Variants in TMEM163 observed in about 807,000 individuals in gnomAD.
TMEM163 encodes transmembrane protein 163.
TMEM163 carries 17 observed loss-of-function variants against 29.3 expected under a neutral mutation model. The observed-to-expected ratio is 0.58, with a 90% confidence interval of 0.40 to 0.87. The LOEUF (loss-of-function observed/expected upper bound fraction) is 0.87. Among genes scored for constraint, TMEM163 ranks in the 40% least tolerant of loss-of-function variants. The pLI, the probability that TMEM163 is intolerant of heterozygous loss-of-function variation, is 0.00. For missense variants in TMEM163, 303 were observed against 381.5 expected (o/e 0.79, Z 1.71); for synonymous variants, 157 against 160.6 (o/e 0.98, Z 0.17).
rs767849159 is a variant in TMEM163 at position 134,502,978 on chromosome 2, C to A, written c.478G>T (p.Val160Leu). 1 of 1,613,576 alleles carries A rather than the reference C, an allele frequency of 6.2e-7. No homozygotes were observed. The highest frequency in any genetic ancestry group is 8.5e-7 in the Non-Finnish European group (1 of 1,179,830). ...REYIACVILG[V>L]IFLLSSICIV... ...CATATGGATGACAGAAGGAATATCA[C>A]CCCCAAGATGACACAGGCTCTGCAA... The change falls in exon 5 of 8, where the codon GTG becomes TTG. Residue 160 changes from valine to leucine, a missense_variant. Physicochemically the swap from Val to Leu is conservative, Grantham distance 32 (BLOSUM62 1). Around this residue, in one of 2 missense-constraint regions of TMEM163, gnomAD observed 203 missense variants for 294.3 expected, o/e 0.69. Transcript: ENST00000281924.
intron 2 of TMEM163, among the ~76,000 whole-genome samples, chr2:134,684,507 G>C (rs1438301370): frequency 6.6e-6 from 1 of 152,178 alleles, no homozygotes; most frequent in Non-Finnish European, 1.5e-5. Flanking sequence ...GGAACCCCAT[G>C]AGCAAGGGGC....
chr2:134,457,187 C>T (rs1379107425), intron 7 of TMEM163, among the ~76,000 whole-genome samples: 2 of 152,206 alleles, frequency 1.3e-5, no homozygotes, highest in African/African-American at 4.8e-5. Flanking sequence ...ATCCATTCAT[C>T]TGTTAATGGA....
At chr2:134,510,339 G>A (rs1679919251) in intron 4 of TMEM163, among the ~76,000 whole-genome samples, 1 of 152,170 alleles carries the variant, frequency 6.6e-6, no homozygotes, top group Non-Finnish European at 1.5e-5. Context: ...CAGGTCTGAG[G>A]TTGGGGAAAC....
At chr2:134,718,473 G>A (rs1019838256) in intron 1 of TMEM163, among the ~76,000 whole-genome samples, 8 of 152,258 alleles carry the variant, frequency 5.3e-5, no homozygotes, top group African/African-American at 1.4e-4. Context: ...CTGGCGGAGA[G>A]GAGGGCGCGA....
intron 5 of TMEM163, among the ~76,000 whole-genome samples, chr2:134,478,244 C>T (rs762760980): frequency 6.6e-6 from 1 of 152,064 alleles, no homozygotes; most frequent in Non-Finnish European, 1.5e-5. Context: ...AATTACCTAG[C>T]ATCAGGTATT....
intron 4 of TMEM163, among the ~76,000 whole-genome samples, chr2:134,534,455 T>C (rs969633724): frequency 6.6e-6 from 1 of 152,118 alleles, no homozygotes; most frequent in African/African-American, 2.4e-5. Context: ...CAAGATTGAT[T>C]TATAAATCAA....
intron 2 of TMEM163, among the ~76,000 whole-genome samples, chr2:134,642,770 C>T (rs1270469853): frequency 6.6e-6 from 1 of 151,928 alleles, no homozygotes; most frequent in East Asian, 1.9e-4. Context: ...ATCCCAGACT[C>T]AAAGAGGATA....
At position 134,502,957 on chromosome 2, in the gene TMEM163, T is replaced by C; in HGVS notation, c.499A>G (p.Ile167Val). 6.2e-7 allele frequency: 1 copy of C among 1,613,976 alleles called. No individual in the cohort carries two copies. Among genetic ancestry groups the C allele is most frequent in the African/African-American group, 1.3e-5 (1 of 75,006 alleles). ...TGGATGGCTTTGACCACTATACATATGGATGACAGAAGGAATATCACCCCC... is the reference window on the plus strand; with the variant it reads ...TGGATGGCTTTGACCACTATACATACGGATGACAGAAGGAATATCACCCCC... ...ILGVIFLLSS[I>V]CIVVKAIHDL... is the part of the protein sequence containing the mutation. Residue 167 changes from isoleucine (I) to valine (V), a missense_variant, in exon 5 of 8, where the codon ATA becomes GTA. Transcript: ENST00000281924.
chr2:134,501,867 G>A (rs1435789030), intron 5 of TMEM163, among the ~76,000 whole-genome samples: 3 of 152,206 alleles, frequency 2.0e-5, no homozygotes, highest in Non-Finnish European at 4.4e-5. Context: ...ATGTTAGAGA[G>A]TAAGCGCTGG....
intron 2 of TMEM163, among the ~76,000 whole-genome samples, chr2:134,665,778 C>T (rs1406410260): frequency 6.6e-6 from 1 of 152,200 alleles, no homozygotes; most frequent in Admixed American, 6.5e-5. Flanking sequence ...CTCTCCGGAC[C>T]TCAGCATCTG....
chr2:134,494,556 C>T (rs1173940444), intron 5 of TMEM163, among the ~76,000 whole-genome samples: 1 of 151,940 alleles, frequency 6.6e-6, no homozygotes, highest in Non-Finnish European at 1.5e-5. Context: ...CTGTTTGATA[C>T]GGCTTAATCT....
At chr2:134,645,462 T>A (rs917939772) in intron 2 of TMEM163, among the ~76,000 whole-genome samples, 2 of 152,212 alleles carry the variant, frequency 1.3e-5, no homozygotes, top group African/African-American at 4.8e-5. Context: ...AGAAAAAGTT[T>A]GCCAACATCT....
intron 2 of TMEM163, among the ~76,000 whole-genome samples, chr2:134,623,223 T>C (rs1682778785): frequency 2.0e-5 from 3 of 152,184 alleles, no homozygotes; most frequent in Admixed American, 2.0e-4. Flanking sequence ...CATTTTCTCA[T>C]CAACACTGGC....
chr2:134,714,573 G>C (rs544608666), intron 1 of TMEM163, among the ~76,000 whole-genome samples: 1 of 152,144 alleles, frequency 6.6e-6, no homozygotes, highest in Non-Finnish European at 1.5e-5. Flanking sequence ...ATTGAGCATC[G>C]CTGAACAAGT....
At chr2:134,656,537 C>A (rs529659175) in intron 2 of TMEM163, among the ~76,000 whole-genome samples, 1 of 152,164 alleles carries the variant, frequency 6.6e-6, no homozygotes, top group Non-Finnish European at 1.5e-5. Flanking sequence ...AGCTGTAGAC[C>A]GGAGCTGTTC....
intron 2 of TMEM163, among the ~76,000 whole-genome samples, chr2:134,695,501 CAACAG>C (rs1374429858): frequency 2.6e-5 from 4 of 151,556 alleles, no homozygotes; most frequent in Admixed American, 6.6e-5. Context: ...TAAATCAAAG[CAACAG>C]AACAGAACAA....
chr2:134,463,334 A>C (rs962469396), intron 6 of TMEM163, among the ~76,000 whole-genome samples: 1 of 152,126 alleles, frequency 6.6e-6, no homozygotes, highest in Non-Finnish European at 1.5e-5. Context: ...TCCTGGCTAC[A>C]CTCATCCCTA....
At chr2:134,613,793 A>T (rs955835170) in intron 2 of TMEM163, among the ~76,000 whole-genome samples, 1 of 152,178 alleles carries the variant, frequency 6.6e-6, no homozygotes, top group Non-Finnish European at 1.5e-5. Flanking sequence ...AACACTTATG[A>T]GATCTATATG....
chr2:134,478,691 G>A (rs569101876), intron 5 of TMEM163, among the ~76,000 whole-genome samples: 1 of 152,304 alleles, frequency 6.6e-6, no homozygotes, highest in East Asian at 1.9e-4. Context: ...TGCAAAATTT[G>A]CAGCCTGGGC....
Sources: allele counts gnomAD v4.1 joint callset (sites outside exome capture counted in the v4.1 genomes callset), GRCh38; gene constraint gnomAD v4.1.1; regional missense constraint gnomAD v4.1.1; transcripts MANE v1.5; gene names NCBI Gene and HGNC (gene_info 2026-07-23, HGNC 2026-07-21).